The following ARHGEF33 variants were observed in gnomAD, a reference collection of about 807,000 sequenced individuals.
ARHGEF33 encodes the protein Rho guanine nucleotide exchange factor 33, also known as DH and coiled-coil domain-containing protein ENSP00000381780.
A neutral mutation model predicts 101.9 loss-of-function variants in ARHGEF33; 72 were observed. The ratio of observed to expected loss-of-function variants is 0.71; its 90% CI spans 0.58 to 0.86. ARHGEF33 has a LOEUF of 0.86. Ranked by LOEUF, ARHGEF33 falls within the 40% of genes least tolerant of loss-of-function variation. The probability of loss-of-function intolerance (pLI) is 0.00; values close to 1 mark genes in which losing one functional copy is unlikely to be tolerated. For synonymous variants in ARHGEF33, 499 were observed against 442.5 expected (o/e 1.13, Z -1.60); for missense variants, 1,169 against 1,111.3 (o/e 1.05, Z -0.74).
chr2:38,896,854 A>G (rs1452239264), intron 2 of ARHGEF33, among the ~76,000 whole-genome samples: 1 of 152,222 alleles, frequency 6.6e-6, no homozygotes, highest in African/African-American at 2.4e-5. Flanking sequence ...CTTTCCAAGC[A>G]TAACCACTGT....
At chr2:38,952,104 C>T (rs185958971) in intron 11 of ARHGEF33, among the ~76,000 whole-genome samples, 1 of 152,296 alleles carries the variant, frequency 6.6e-6, no homozygotes, top group African/African-American at 2.4e-5. Flanking sequence ...GCTGGAAATC[C>T]AGAATTTTGT....
chr2:38,902,028 T>C (rs1358248489), intron 2 of ARHGEF33, among the ~76,000 whole-genome samples: 1 of 149,430 alleles, frequency 6.7e-6, no homozygotes, highest in Non-Finnish European at 1.5e-5. Context: ...GGCAGGAGAA[T>C]GGCGTGAACC....
At chr2:38,907,880 A>G (rs1390158314) in intron 2 of ARHGEF33, among the ~76,000 whole-genome samples, 1 of 144,182 alleles carries the variant, frequency 6.9e-6, no homozygotes, top group Non-Finnish European at 1.5e-5. Context: ...TTTTTTTTAG[A>G]CAATGTCTCA....
At chr2:38,906,853 G>A (rs1008378672) in intron 2 of ARHGEF33, among the ~76,000 whole-genome samples, 4 of 151,468 alleles carry the variant, frequency 2.6e-5, no homozygotes, top group Non-Finnish European at 5.9e-5. Flanking sequence ...AGCTACTCAG[G>A]CAGCTGAGGT....
At chr2:38,941,156 T>C (rs1201833256) in intron 9 of ARHGEF33, among the ~76,000 whole-genome samples, 1 of 152,214 alleles carries the variant, frequency 6.6e-6, no homozygotes, top group Non-Finnish European at 1.5e-5. Context: ...TAATTCATAA[T>C]CCTAAACTTT....
At chr2:38,921,698 C>T (rs1666761408) in intron 4 of ARHGEF33, among the ~76,000 whole-genome samples, 1 of 152,054 alleles carries the variant, frequency 6.6e-6, no homozygotes, top group Non-Finnish European at 1.5e-5. Flanking sequence ...GTAGCTGAGG[C>T]TATAGGTGAG....
At chr2:38,896,256 A>G (rs1251937816) in intron 2 of ARHGEF33, among the ~76,000 whole-genome samples, 1 of 152,158 alleles carries the variant, frequency 6.6e-6, no homozygotes, top group Non-Finnish European at 1.5e-5. Context: ...CTCCTGCCTC[A>G]GCCTCCCGAG....
chr2:38,947,134 A>C lies in ARHGEF33; in HGVS notation c.920+3104A>C, dbSNP rs192093943. Among the ~76,000 whole-genome samples, 133 of 152,298 alleles carry C rather than the reference A, an allele frequency of 8.7e-4. 2 individuals carry two copies. The highest frequency in any genetic ancestry group is 2.7e-3 in the African/African-American group (111 of 41,562). ...AAACCACAAACCTTCAGCACTTTTT[A>C]CCCCATTGGAAAGTAAGTTGGGATG... On this transcript the variant is annotated intron_variant, in intron 10 of 17. Coordinates refer to ENST00000409978, the MANE Select transcript of ARHGEF33 (RefSeq NM_001145451.5).
intron 1 of ARHGEF33, among the ~76,000 whole-genome samples, chr2:38,893,157 CTT>C (rs11302987): frequency 0.017 from 2,059 of 122,300 alleles, 20 homozygotes; most frequent in Middle Eastern, 0.041. Flanking sequence ...TCTGGTAATC[CTT>C]TTTTTTTTTT....
At chr2:38,929,907 C>A in intron 6 of ARHGEF33, 77 bp downstream of exon 6, 1 of 1,323,726 alleles carries the variant, frequency 7.6e-7, no homozygotes, top group Non-Finnish European at 1.0e-6. Context: ...TACACATTCC[C>A]CACTATCAGT....
At chr2:38,932,483 T>G (rs1667030190) in intron 7 of ARHGEF33, among the ~76,000 whole-genome samples, 1 of 152,112 alleles carries the variant, frequency 6.6e-6, no homozygotes, top group Admixed American at 6.6e-5. Context: ...GAGAGACTGA[T>G]AGGTGCAGCC....
intron 2 of ARHGEF33, among the ~76,000 whole-genome samples, chr2:38,904,630 C>T (rs931168855): frequency 6.7e-6 from 1 of 149,274 alleles, no homozygotes; most frequent in African/African-American, 2.5e-5. Flanking sequence ...CTGCTTGAAC[C>T]TGGGAGGCAG....
chr2:38,899,958 G>C (rs544382677), intron 2 of ARHGEF33, among the ~76,000 whole-genome samples: 2 of 152,110 alleles, frequency 1.3e-5, no homozygotes, highest in African/African-American at 4.8e-5. Flanking sequence ...GAAGGCTGGT[G>C]GGGGAGGACT....
chr2:38,954,519 C>T (rs1667691091), intron 13 of ARHGEF33, 63 bp downstream of exon 13: 1 of 962,038 alleles, frequency 1.0e-6, no homozygotes, highest in African/African-American at 1.6e-5. Flanking sequence ...GGTTTTGGCT[C>T]CCAACTGAGA....
At chr2:38,920,762 G>A (rs913630812) in intron 3 of ARHGEF33, among the ~76,000 whole-genome samples, 2 of 152,136 alleles carry the variant, frequency 1.3e-5, no homozygotes, top group East Asian at 1.9e-4. Context: ...TGTGTTTCTC[G>A]AAGTCTAGTA....
chr2:38,938,118 C>A (rs1213231250), intron 9 of ARHGEF33, among the ~76,000 whole-genome samples: 1 of 152,120 alleles, frequency 6.6e-6, no homozygotes, highest in East Asian at 1.9e-4. Context: ...AGAGCGCCAA[C>A]AACTTTAAAC....
chr2:38,935,603 A>T (rs1281568899), intron 7 of ARHGEF33, among the ~76,000 whole-genome samples, 172 bp from the exon 8 acceptor site: 1 of 152,040 alleles, frequency 6.6e-6, no homozygotes, highest in East Asian at 1.9e-4. Context: ...ATATCTTTTT[A>T]CAGCTGAGAA....
At chr2:38,948,430 CG>C (rs375942335) in intron 10 of ARHGEF33, among the ~76,000 whole-genome samples, 84 of 152,218 alleles carry the variant, frequency 5.5e-4, no homozygotes, top group African/African-American at 1.9e-3. Flanking sequence ...ACAGTCATCC[CG>C]GTGGGCAGTC....
intron 2 of ARHGEF33, among the ~76,000 whole-genome samples, chr2:38,905,721 A>G (rs1666372913): frequency 6.6e-6 from 1 of 152,256 alleles, no homozygotes. Context: ...TCAGAAATCA[A>G]AATGGAAGAC....
Sources: allele counts gnomAD v4.1 joint callset (sites outside exome capture counted in the v4.1 genomes callset), GRCh38; gene constraint gnomAD v4.1.1; transcripts MANE v1.5; gene names NCBI Gene and HGNC (gene_info 2026-07-23, HGNC 2026-07-21).